UGT1A6: variants seen among roughly 807,000 people sequenced by gnomAD.
UGT1A6 encodes the protein UDP-glucuronosyltransferase 1A6.
A neutral mutation model predicts 44.4 loss-of-function variants in UGT1A6; 32 were observed. That is an observed-to-expected ratio of 0.72 (90% CI 0.54 to 0.97). UGT1A6 has a LOEUF of 0.97. UGT1A6 is among the 50% of genes least tolerant of loss of function. The pLI is 0.00. For synonymous variants in UGT1A6, 238 were observed against 248.5 expected (o/e 0.96, Z 0.40); for missense variants, 685 against 661.9 (o/e 1.03, Z -0.38).
intron 1 of UGT1A6, chr2:233,747,294 G>A (rs1361092863): frequency 6.2e-7 from 1 of 1,601,846 alleles, no homozygotes; most frequent in African/African-American, 1.3e-5. Flanking sequence ...CCTGGGCTGA[G>A]AGTGGGAAGG....
chr2:233,748,577 A>T (rs1363502467), intron 1 of UGT1A6, among the ~76,000 whole-genome samples: 1 of 151,860 alleles, frequency 6.6e-6, no homozygotes, highest in Non-Finnish European at 1.5e-5. Context: ...AGTGTTAAAG[A>T]GGTTGACTCA....
At chr2:233,741,151 C>T (rs1377389492) in intron 1 of UGT1A6, among the ~76,000 whole-genome samples, 2 of 151,930 alleles carry the variant, frequency 1.3e-5, no homozygotes, top group Admixed American at 6.5e-5. Flanking sequence ...TATGACAGCA[C>T]TAATCCAGGA....
intron 1 of UGT1A6, among the ~76,000 whole-genome samples, chr2:233,744,983 A>G (rs1224917598): frequency 1.3e-5 from 2 of 151,846 alleles, no homozygotes; most frequent in African/African-American, 4.9e-5. Flanking sequence ...GCCTCTAGTC[A>G]TCTCTTGATT....
intron 1 of UGT1A6, chr2:233,755,391 C>A: frequency 2.9e-6 from 1 of 343,030 alleles, no homozygotes; most frequent in Non-Finnish European, 5.7e-6. Context: ...TATGACGCAG[C>A]CACATCTCAT....
At chr2:233,726,238 A>G (rs935075477) in intron 1 of UGT1A6, among the ~76,000 whole-genome samples, 11 of 152,220 alleles carry the variant, frequency 7.2e-5, no homozygotes, top group East Asian at 3.8e-4. Context: ...TAAAACTCCA[A>G]TATGAAAAGC....
chr2:233,692,548 A>G (rs904295361), upstream of UGT1A6, among the ~76,000 whole-genome samples: 3 of 152,216 alleles, frequency 2.0e-5, no homozygotes, highest in African/African-American at 7.2e-5. Context: ...TCAGAATGGA[A>G]TTGAATTGTA....
Position 233,767,853 on chromosome 2 carries a change from TG to T in UGT1A6, c.999del (p.Trp334GlyfsTer31), listed in dbSNP as rs1559414567. 7 of 1,614,210 alleles carry T rather than the reference TG, an allele frequency of 4.3e-6. No homozygotes were observed. Among genetic ancestry groups the T allele is most frequent in the Non-Finnish European group, 5.9e-6 (7 of 1,180,034 alleles). ...TGCTCTTTTTGCCCCTCCCAGGTCCTGTGGCGGTACACTGGAACCCGACCAT... is the reference window on the plus strand; with the variant it reads ...TGCTCTTTTTGCCCCTCCCAGGTCCTTGGCGGTACACTGGAACCCGACCAT... Reference protein sequence around the residue: ...DALGKIPQTVLWRYTGTRPSN... With the variant: ...DALGKIPQTVXWRYTGTRPSN... On this transcript the variant is annotated frameshift_variant, in exon 3 of 5. Coordinates refer to ENST00000305139, the MANE Select transcript of UGT1A6 (RefSeq NM_001072.4). LOFTEE classifies it high-confidence loss of function.
At chr2:233,751,693 G>A (rs1694787580) in intron 1 of UGT1A6, among the ~76,000 whole-genome samples, 1 of 152,146 alleles carries the variant, frequency 6.6e-6, no homozygotes, top group Non-Finnish European at 1.5e-5. Flanking sequence ...GGTTTTATAA[G>A]GGGCTCTTCC....
chr2:233,760,559 C>G (rs776620061), intron 1 of UGT1A6: 5 of 1,614,238 alleles, frequency 3.1e-6, no homozygotes, highest in Non-Finnish European at 2.5e-6. Flanking sequence ...GTGAAAGAGT[C>G]TTTTGTTAGT....
chr2:233,772,961 T>C lies in UGT1A6; in HGVS notation c.*402T>C, dbSNP rs1575872902. On this transcript the variant is annotated 3_prime_UTR_variant, in exon 5 of 5. Transcript: ENST00000305139. The stretch of plus-strand genomic sequence containing the variant: ...TTTGGCTTCTGCAGATGGTTGCAAT[T>C]GATCCTTAACCAATAATGGTCAGTC... 2 of 315,806 alleles carry C rather than the reference T, an allele frequency of 6.3e-6. No homozygotes were observed. Among genetic ancestry groups the C allele is most frequent in the East Asian group, 1.6e-4 (2 of 12,236 alleles). 19.6% of individuals were successfully genotyped at this position (315,806 alleles called of 1,614,324 possible).
Position 233,769,854 on chromosome 2 carries a change from T to C in UGT1A6, c.1301+1415T>C. 2.3e-6 allele frequency: 1 copy of C among 426,358 alleles called. No homozygotes were observed. The highest frequency in any genetic ancestry group is 3.7e-6 in the Non-Finnish European group (1 of 266,722). 26.4% of individuals were successfully genotyped at this position (426,358 alleles called of 1,614,324 possible). On this transcript the variant is annotated intron_variant, in intron 4 of 4. Transcript: ENST00000305139. The surrounding 1 kb of genome is among the most constrained non-coding windows in gnomAD (Gnocchi z 4.4). ...ACCTGGGCAACAGAGTGAGACCCTGTCTCAAAAAAAAAAAAAAAAATGAAA... is the reference window on the plus strand; with the variant it reads ...ACCTGGGCAACAGAGTGAGACCCTGCCTCAAAAAAAAAAAAAAAAATGAAA...
intron 1 of UGT1A6, among the ~76,000 whole-genome samples, chr2:233,702,341 T>C (rs1039044704): frequency 4.6e-5 from 7 of 152,218 alleles, no homozygotes; most frequent in African/African-American, 1.7e-4. Flanking sequence ...TGTTTATTTG[T>C]TCTAATAGTT....
intron 1 of UGT1A6, among the ~76,000 whole-genome samples, chr2:233,746,037 G>T (rs1056217183): frequency 1.8e-4 from 28 of 151,826 alleles, no homozygotes; most frequent in Non-Finnish European, 4.1e-4. Flanking sequence ...CTTACTTGCT[G>T]GCTTGGATGC....
intron 1 of UGT1A6, chr2:233,741,688 A>C (rs1691743482): frequency 6.6e-6 from 1 of 151,896 alleles, no homozygotes; most frequent in Non-Finnish European, 1.5e-5. Flanking sequence ...GGGTGCCATT[A>C]CATGCAGAGT....
chr2:233,752,746 A>AAAAC lies in UGT1A6; in HGVS notation c.862-14265_862-14262dup, dbSNP rs200752387. Among the ~76,000 whole-genome samples the AAAAC allele has an allele frequency of 7.8e-3, 1,184 of 152,306 alleles. 57 individuals carry two copies. In the East Asian group the frequency reaches 0.13, roughly 17 times the overall value. On this transcript the variant is annotated intron_variant, in intron 1 of 4. Transcript: ENST00000305139. ...AGCTACAGAGAGAGACCCTGTCTCTAAAACAAACAAACAAACAAACAAACA... is the reference window on the plus strand; with the variant it reads ...AGCTACAGAGAGAGACCCTGTCTCTAAAACAAACAAACAAACAAACAAACAAACA...
At chr2:233,747,834 C>A (rs367969485) in intron 1 of UGT1A6, 5 of 1,613,520 alleles carry the variant, frequency 3.1e-6, no homozygotes, top group South Asian at 1.1e-5. Context: ...CATGACATTC[C>A]TGCAAAGGGT....
At chr2:233,704,428 G>A (rs1028112789) in intron 1 of UGT1A6, among the ~76,000 whole-genome samples, 1 of 151,928 alleles carries the variant, frequency 6.6e-6, no homozygotes, top group African/African-American at 2.4e-5. Context: ...CTTAATTCCA[G>A]TTAAATATTG....
At chr2:233,759,710 G>A (rs746376626) in intron 1 of UGT1A6, among the ~76,000 whole-genome samples, 35 of 151,652 alleles carry the variant, frequency 2.3e-4, no homozygotes, top group East Asian at 9.7e-4. Flanking sequence ...GCGCGTGCTC[G>A]TGTGGTGGGC....
intron 1 of UGT1A6, among the ~76,000 whole-genome samples, chr2:233,695,536 C>CT (rs1487620347): frequency 1.3e-5 from 2 of 148,342 alleles, no homozygotes; most frequent in African/African-American, 5.0e-5. Flanking sequence ...TTTTCTTTTT[C>CT]TTTTTTAAAT....
Sources: gnomAD v4.1 joint callset for allele counts (sites outside exome capture counted in the v4.1 genomes callset) on GRCh38, gnomAD v4.1.1 for gene constraint, Gnocchi (gnomAD v3.1) non-coding constraint, MANE v1.5 for transcripts, NCBI Gene and HGNC (gene_info 2026-07-23, HGNC 2026-07-21) for gene names.